The following GLG1 variants were observed in gnomAD, a reference collection of about 807,000 sequenced individuals.
The protein encoded by GLG1 is golgi glycoprotein 1.
A neutral mutation model predicts 160.5 loss-of-function variants in GLG1; 38 were observed. The observed-to-expected ratio is 0.24, with a 90% CI of 0.18 to 0.31. GLG1 has a LOEUF of 0.31. Ranked by LOEUF, GLG1 falls within the 10% of genes least tolerant of loss-of-function variation. The pLI is 1.00. For missense variants in GLG1, 1,373 were observed against 1,505.2 expected (o/e 0.91, Z 1.45); for synonymous variants, 644 against 543.4 (o/e 1.19, Z -2.57).
intron 4 of GLG1, 103 bp from the exon 5 acceptor site, chr16:74,496,747 C>A (rs1341786345): frequency 1.4e-6 from 1 of 709,438 alleles, no homozygotes. Context: ...CACACACACA[C>A]AAAGTAATAA....
intron 4 of GLG1, among the ~76,000 whole-genome samples, chr16:74,500,669 T>C (rs1047825710): frequency 1.3e-5 from 2 of 151,866 alleles, no homozygotes; most frequent in African/African-American, 2.4e-5. Context: ...AAATAATAAA[T>C]GAAATAATAA....
At chr16:74,512,790 T>A (rs917193096) in intron 2 of GLG1, among the ~76,000 whole-genome samples, 2 of 151,760 alleles carry the variant, frequency 1.3e-5, no homozygotes, top group African/African-American at 2.4e-5. Context: ...AAATATAGTG[T>A]GATAAATGTG....
chr16:74,501,246 T>C (rs1182036891), intron 4 of GLG1, among the ~76,000 whole-genome samples: 1 of 152,150 alleles, frequency 6.6e-6, no homozygotes, highest in Non-Finnish European at 1.5e-5. Flanking sequence ...GAGTGAATGA[T>C]ATAGGAAGGA....
chr16:74,452,644 T>C lies in GLG1; in HGVS notation c.*523A>G. ...CGGCCCTGGCGAGGCCCCAAGGTGC[T>C]TCTGAGAGATGAACGAGACACCTCA... On this transcript the variant is annotated 3_prime_UTR_variant, in exon 26 of 26. Transcript: ENST00000422840. The C allele has an allele frequency of 1.0e-6, 1 of 997,678 alleles. No homozygotes were observed. The highest frequency in any genetic ancestry group is 1.2e-6 in the Non-Finnish European group (1 of 836,682). 61.8% of individuals were successfully genotyped at this position (997,678 alleles called of 1,614,324 possible). A position where few individuals can be genotyped will look rare whatever the true frequency, so the allele number is the denominator to read the frequency against.
intron 23 of GLG1, among the ~76,000 whole-genome samples, chr16:74,459,121 C>T (rs8052024): frequency 3.7e-3 from 559 of 152,214 alleles, no homozygotes; most frequent in Middle Eastern, 6.8e-3. Context: ...TTTTAACAGA[C>T]GAAAAAATGT....
At chr16:74,543,121 G>C (rs867367322) in intron 1 of GLG1, among the ~76,000 whole-genome samples, 1 of 151,990 alleles carries the variant, frequency 6.6e-6, no homozygotes, top group Non-Finnish European at 1.5e-5. Context: ...TGAGCTGCCA[G>C]AATGTGCTGA....
chr16:74,487,625 T>C (rs959197938), intron 8 of GLG1, among the ~76,000 whole-genome samples: 14 of 152,046 alleles, frequency 9.2e-5, no homozygotes, highest in Non-Finnish European at 1.5e-4. Flanking sequence ...ATGTTACTTA[T>C]GACATTTGTT....
At chr16:74,463,309 C>A in intron 20 of GLG1, 47 bp downstream of exon 20, 1 of 1,601,856 alleles carries the variant, frequency 6.2e-7, no homozygotes. Flanking sequence ...CACTGAATTC[C>A]TTTTCAGATA....
chr16:74,582,744 G>A (rs1395084354), intron 1 of GLG1, among the ~76,000 whole-genome samples: 4 of 151,864 alleles, frequency 2.6e-5, no homozygotes, highest in African/African-American at 7.3e-5. Flanking sequence ...GTGTGAACCC[G>A]GGAGGTGGAG....
At chr16:74,581,497 T>C (rs1220526964) in intron 1 of GLG1, among the ~76,000 whole-genome samples, 1 of 149,922 alleles carries the variant, frequency 6.7e-6, no homozygotes, top group African/African-American at 2.5e-5. Context: ...GAATGGGAAG[T>C]TGTTATTTAA....
chr16:74,534,876 G>C (rs1055193996), intron 1 of GLG1, among the ~76,000 whole-genome samples: 5 of 152,194 alleles, frequency 3.3e-5, no homozygotes, highest in African/African-American at 1.2e-4. Context: ...GCAGTACTGT[G>C]TGCTTAGTAA....
intron 9 of GLG1, among the ~76,000 whole-genome samples, chr16:74,484,450 G>A (rs1163658952): frequency 2.0e-5 from 3 of 151,858 alleles, no homozygotes; most frequent in East Asian, 3.9e-4. Context: ...ACAGGTATGC[G>A]CCACCAACAC....
At chr16:74,540,267 T>C (rs1201382965) in intron 1 of GLG1, among the ~76,000 whole-genome samples, 2 of 145,842 alleles carry the variant, frequency 1.4e-5, no homozygotes, top group Non-Finnish European at 3.0e-5. Flanking sequence ...ACATAAATTT[T>C]ATAAAGTATT....
chr16:74,547,414 A>G (rs1301987577), intron 1 of GLG1, among the ~76,000 whole-genome samples: 4 of 152,096 alleles, frequency 2.6e-5, no homozygotes, highest in Non-Finnish European at 1.5e-5. Context: ...AAAATAGATC[A>G]GACACAACAA....
chr16:74,518,436 G>A (rs770312582), intron 2 of GLG1, among the ~76,000 whole-genome samples: 2 of 152,080 alleles, frequency 1.3e-5, no homozygotes, highest in Non-Finnish European at 2.9e-5. Context: ...CCTGACACAC[G>A]TAAACAATGG....
At chr16:74,480,471 G>T in intron 10 of GLG1, 77 bp from the exon 11 acceptor site, 1 of 1,068,948 alleles carries the variant, frequency 9.4e-7, no homozygotes. Flanking sequence ...GTTTTTATGA[G>T]GTGTTTGCTT....
chr16:74,463,128 A>G, intron 20 of GLG1: 1 of 547,308 alleles, frequency 1.8e-6, no homozygotes, highest in Non-Finnish European at 3.2e-6. Flanking sequence ...ATTCCTTCTG[A>G]ACGTTCTTTT....
At chr16:74,491,391 A>C (rs1471296135) in intron 7 of GLG1, among the ~76,000 whole-genome samples, 176 bp from the exon 8 acceptor site, 3 of 152,202 alleles carry the variant, frequency 2.0e-5, no homozygotes, top group Admixed American at 6.5e-5. Flanking sequence ...ATAGGCTTAG[A>C]CTCCAGATAT....
intron 1 of GLG1, among the ~76,000 whole-genome samples, chr16:74,583,032 T>C (rs1296082810): frequency 1.3e-5 from 2 of 152,082 alleles, no homozygotes; most frequent in African/African-American, 4.8e-5. Context: ...TCCCTTTCCT[T>C]GGCTTCCACA....
Sources: allele counts gnomAD v4.1 joint callset (sites outside exome capture counted in the v4.1 genomes callset), GRCh38; gene constraint gnomAD v4.1.1; transcripts MANE v1.5; gene names NCBI Gene and HGNC (gene_info 2026-07-23, HGNC 2026-07-21).